Variants in CMTM5 observed in about 807,000 individuals in gnomAD.
CMTM5 encodes CKLF-like MARVEL transmembrane domain-containing protein 5.
CMTM5 carries 25 observed loss-of-function variants against 26.9 expected under a neutral mutation model. The ratio of observed to expected loss-of-function variants is 0.93; its 90% CI spans 0.68 to 1.30. The LOEUF is 1.30. Among genes scored for constraint, CMTM5 ranks in the 50% most tolerant of loss-of-function variants. The pLI, the probability that CMTM5 is intolerant of heterozygous loss-of-function variation, is 0.00. For synonymous variants in CMTM5, 98 were observed against 115.5 expected (o/e 0.85, Z 0.97); for missense variants, 292 against 289.6 (o/e 1.01, Z -0.06).
Position 23,379,602 on chromosome 14 carries a change from C to A in CMTM5, c.*115C>A. On this transcript the variant is annotated 3_prime_UTR_variant, in exon 6 of 6. Coordinates refer to ENST00000339180, the MANE Select transcript of CMTM5 (RefSeq NM_001288746.2). The stretch of plus-strand genomic sequence containing the variant: ...CGCCAAACCCCACCCCAGCCCTACA[C>A]AGCAGTCTGGCCTGAGACGTCACTG... The A allele has an allele frequency of 3.2e-6, 5 of 1,546,780 alleles. No individual in the cohort carries two copies. Among genetic ancestry groups the A allele is most frequent in the Non-Finnish European group, 4.3e-6 (5 of 1,152,786 alleles).
rs1322025711 is a variant in CMTM5, at chr14:23,378,561, T to C, written c.279+60T>C. The C allele has an allele frequency of 1.2e-6, 2 of 1,610,104 alleles. No homozygotes were observed. The highest frequency in any genetic ancestry group is 2.7e-5 in the African/African-American group (2 of 74,754). Reference sequence around the variant, plus strand: ...CCTTCCCTCTCCTCTAAATGATGCATTTTCCTTTCCTCCCCGAGCTTCTTT... The same window carrying C: ...CCTTCCCTCTCCTCTAAATGATGCACTTTCCTTTCCTCCCCGAGCTTCTTT... On this transcript the variant is annotated intron_variant, in intron 2 of 5. Coordinates refer to ENST00000339180, the MANE Select transcript of CMTM5 (RefSeq NM_001288746.2). The surrounding 1 kb of genome is among the most constrained non-coding windows in gnomAD (Gnocchi z 4.2).
At position 23,378,822 on chromosome 14, in the gene CMTM5, T is replaced by C. The variant is rs752223437; in HGVS notation, c.433T>C (p.Trp145Arg). The C allele has an allele frequency of 6.2e-7, 1 of 1,612,844 alleles. No individual in the cohort carries two copies. The highest frequency in any genetic ancestry group is 8.5e-7 in the Non-Finnish European group (1 of 1,179,844). The change falls in exon 3 of 6, where the codon TGG (tryptophan) becomes CGG (arginine). Residue 145 changes from tryptophan to arginine, a missense_variant. By Grantham distance (101) the Trp-to-Arg change is moderately radical. Transcript: ENST00000339180. This position sits in a 1 kb window ranked among gnomAD's most constrained non-coding sequence, Gnocchi z 4.2. ...GGTTCCAGCCCCAGCGCCTGGCTTC[T>C]GGTCCTGGTTGCTCTGGTTCATCTG... ...PWVPAPAPGF[W>R]SWLLWFICFH...
chr14:23,377,473 C>G lies in CMTM5; in HGVS notation c.126+96C>G. ...CCCCAGCTCACCCTTCAGTAGCCTCCTTCCCCAAGCCCTCTGGACACCTCT... is the reference window on the plus strand; with the variant it reads ...CCCCAGCTCACCCTTCAGTAGCCTCGTTCCCCAAGCCCTCTGGACACCTCT... On this transcript the variant is annotated intron_variant, in intron 1 of 5. Coordinates refer to ENST00000339180, the MANE Select transcript of CMTM5 (RefSeq NM_001288746.2). This position sits in a 1 kb window ranked among gnomAD's most constrained non-coding sequence, Gnocchi z 4.6. The G allele has an allele frequency of 7.1e-7, 1 of 1,402,620 alleles. No individual in the cohort carries two copies. Among genetic ancestry groups the G allele is most frequent in the Non-Finnish European group, 9.4e-7 (1 of 1,059,048 alleles). 86.9% of individuals were successfully genotyped at this position (1,402,620 alleles called of 1,614,324 possible). A position where few individuals can be genotyped will look rare whatever the true frequency, so the allele number is the denominator to read the frequency against.
chr14:23,377,223 A>T lies in CMTM5; in HGVS notation c.-29A>T. On this transcript the variant is annotated 5_prime_UTR_variant, in exon 1 of 6. Coordinates refer to ENST00000339180, the MANE Select transcript of CMTM5 (RefSeq NM_001288746.2). The surrounding 1 kb of genome is among the most constrained non-coding windows in gnomAD (Gnocchi z 4.6). ...TTTCTCTTGCTGGGCTTTTGGCAGT[A>T]GGGGGCTGTGTTGGTGGGCCCTACG... 1 of 1,607,728 alleles carries T rather than the reference A, an allele frequency of 6.2e-7. No individual in the cohort carries two copies. The highest frequency in any genetic ancestry group is 8.5e-7 in the Non-Finnish European group (1 of 1,177,840).
Position 23,379,317 on chromosome 14 carries a change from G to C in CMTM5, c.592G>C (p.Val198Leu), listed in dbSNP as rs1238460677. 2 of 1,613,980 alleles carry C rather than the reference G, an allele frequency of 1.2e-6. No homozygotes were observed. The highest frequency in any genetic ancestry group is 2.2e-5 in the East Asian group (1 of 44,892). Residue 198 changes from valine (V) to leucine (L), a missense_variant, in exon 5 of 6, where the codon GTT becomes CTT. Coordinates refer to ENST00000339180, the MANE Select transcript of CMTM5 (RefSeq NM_001288746.2). ...CCCACAGGTTTTTGGCATCATCCTGGTTTCCATCTTTGCCTATGATGCCTT... is the reference window on the plus strand; with the variant it reads ...CCCACAGGTTTTTGGCATCATCCTGCTTTCCATCTTTGCCTATGATGCCTT... ...IAAFVFGIIL[V>L]SIFAYDAFKI... is the part of the protein sequence containing the mutation.
Position 23,377,093 on chromosome 14 carries a change from C to A in CMTM5, c.-159C>A. The A allele has an allele frequency of 1.0e-6, 1 of 991,338 alleles. No homozygotes were observed. The highest frequency in any genetic ancestry group is 2.6e-5 in the East Asian group (1 of 38,398). The allele number at this position is 991,338 out of a possible 1,614,324, so 61.4% of individuals were successfully genotyped here. The stretch of plus-strand genomic sequence containing the variant: ...CCCATCTGGGCAAGGCCCCCAGCGC[C>A]TGCCTTCTCTCCCGGGGCCCTGTGG... On this transcript the variant is annotated 5_prime_UTR_variant, in exon 1 of 6. The change creates a new upstream start codon in the 5' untranslated region. Coordinates refer to ENST00000339180, the MANE Select transcript of CMTM5 (RefSeq NM_001288746.2). This position sits in a 1 kb window ranked among gnomAD's most constrained non-coding sequence, Gnocchi z 4.6.
rs1233655663 is a variant in CMTM5 at position 23,379,587 on chromosome 14, C to G, written c.*100C>G. 1 of 1,566,344 alleles carries G rather than the reference C, an allele frequency of 6.4e-7. No individual in the cohort carries two copies. The highest frequency in any genetic ancestry group is 8.6e-7 in the Non-Finnish European group (1 of 1,162,374). ...CACTAGCCCCCAGCCCGCCAAACCC[C>G]ACCCCAGCCCTACACAGCAGTCTGG... On this transcript the variant is annotated 3_prime_UTR_variant, in exon 6 of 6. Transcript: ENST00000339180.
rs1302144079 is a variant in CMTM5, at chr14:23,378,037, T to G, written c.127-312T>G. 1 of 348,784 alleles carries G rather than the reference T, an allele frequency of 2.9e-6. No individual in the cohort carries two copies. The highest frequency in any genetic ancestry group is 2.1e-5 in the African/African-American group (1 of 47,152). 21.6% of individuals were successfully genotyped at this position (348,784 alleles called of 1,614,324 possible). A position where few individuals can be genotyped will look rare whatever the true frequency, so the allele number is the denominator to read the frequency against. ...GGAGTCGGGTCTCTGTGGGCACAAC[T>G]CCAGGGGCTGGCATTCACACTGTAC... On this transcript the variant is annotated intron_variant, in intron 1 of 5. Coordinates refer to ENST00000339180, the MANE Select transcript of CMTM5 (RefSeq NM_001288746.2). The surrounding 1 kb of genome is among the most constrained non-coding windows in gnomAD (Gnocchi z 4.2).
Position 23,377,426 on chromosome 14 carries a change from T to C in CMTM5, c.126+49T>C. On this transcript the variant is annotated intron_variant, in intron 1 of 5. Transcript: ENST00000339180. This position sits in a 1 kb window ranked among gnomAD's most constrained non-coding sequence, Gnocchi z 4.6. ...TGCCTCCATCTCCCTGACCCCCGGCTCCTGGCCAGCCTTATGCCAGCCCCC... is the reference window on the plus strand; with the variant it reads ...TGCCTCCATCTCCCTGACCCCCGGCCCCTGGCCAGCCTTATGCCAGCCCCC... 1 of 1,515,642 alleles carries C rather than the reference T, an allele frequency of 6.6e-7. No homozygotes were observed. The highest frequency in any genetic ancestry group is 8.8e-7 in the Non-Finnish European group (1 of 1,132,806). 93.9% of individuals were successfully genotyped at this position (1,515,642 alleles called of 1,614,324 possible). A position where few individuals can be genotyped will look rare whatever the true frequency, so the allele number is the denominator to read the frequency against.
rs781080626 is a variant in CMTM5 at position 23,377,356 on chromosome 14, C to T, written c.105C>T (p.Gly35=). ...VDKAFLTSHK[G]ILLETELALT... is the part of the protein sequence containing the mutation. ...AGGCCTTCCTCACCTCCCACAAGGG[C>T]ATCCTGCTGGAAACCGAGCTGGTAA... Residue 35 remains glycine, a synonymous_variant, in exon 1 of 6, where the codon GGC becomes GGT. Transcript: ENST00000339180. This position sits in a 1 kb window ranked among gnomAD's most constrained non-coding sequence, Gnocchi z 4.6. The T allele has an allele frequency of 3.8e-6, 6 of 1,596,530 alleles. No individual in the cohort carries two copies. The South Asian group carries it at 6.7e-5, about 18-fold the overall frequency.
In CMTM5 at chr14:23,379,516, G is replaced by A. The variant is rs373722799; in HGVS notation, c.*29G>A. ...TGGGGCTACCTGGCTCCTAGGCCCAGCCAGCCAGAGAGGACAGTGGAGCCC... is the reference window on the plus strand; with the variant it reads ...TGGGGCTACCTGGCTCCTAGGCCCAACCAGCCAGAGAGGACAGTGGAGCCC... On this transcript the variant is annotated 3_prime_UTR_variant, in exon 6 of 6. Transcript: ENST00000339180. 114 of 1,612,606 alleles carry A rather than the reference G, an allele frequency of 7.1e-5. No homozygotes were observed. The highest frequency in any genetic ancestry group is 6.8e-4 in the African/African-American group (51 of 74,902).
chr14:23,377,134 C>A lies in CMTM5; in HGVS notation c.-118C>A. On this transcript the variant is annotated 5_prime_UTR_variant, in exon 1 of 6. Transcript: ENST00000339180. This position sits in a 1 kb window ranked among gnomAD's most constrained non-coding sequence, Gnocchi z 4.6. ...GGCCCTGTGGGCAAGCCTCCTGCTT[C>A]ACTTTCAGGTTTCTCGAAGTGCCTT... is the stretch of plus-strand genomic sequence containing the variant. 2.9e-6 allele frequency: 4 copies of A among 1,401,702 alleles called. No homozygotes were observed. The South Asian group carries it at 5.1e-5, about 18-fold the overall frequency. The allele number at this position is 1,401,702 out of a possible 1,614,324, so 86.8% of individuals were successfully genotyped here. A position where few individuals can be genotyped will look rare whatever the true frequency, so the allele number is the denominator to read the frequency against.
Position 23,377,709 on chromosome 14 carries a change from C to G in CMTM5, c.126+332C>G, listed in dbSNP as rs1376848981. The stretch of plus-strand genomic sequence containing the variant: ...CCACTTCTCAGCACGTCCAAGAAGT[C>G]TAACTATCAAAAAGGGCAGACTTCC... On this transcript the variant is annotated intron_variant, in intron 1 of 5. Coordinates refer to ENST00000339180, the MANE Select transcript of CMTM5 (RefSeq NM_001288746.2). This position sits in a 1 kb window ranked among gnomAD's most constrained non-coding sequence, Gnocchi z 4.6. 3.7e-6 allele frequency: 1 copy of G among 270,310 alleles called. No individual in the cohort carries two copies. Among genetic ancestry groups the G allele is most frequent in the Non-Finnish European group, 6.9e-6 (1 of 143,968 alleles). The allele number at this position is 270,310 out of a possible 1,614,324, so 16.7% of individuals were successfully genotyped here. A position where few individuals can be genotyped will look rare whatever the true frequency, so the allele number is the denominator to read the frequency against.
chr14:23,377,260 T>G lies in CMTM5; in HGVS notation c.9T>G (p.Ser3Arg). ML[S>R]ARDRRDRHPE... ...TGGTGGGCCCTACGAAGATGCTCAGTGCTCGAGATCGCCGGGACCGGCACC... is the reference window on the plus strand; with the variant it reads ...TGGTGGGCCCTACGAAGATGCTCAGGGCTCGAGATCGCCGGGACCGGCACC... Residue 3 changes from serine to arginine, a missense_variant, in exon 1 of 6, where the codon AGT (serine) becomes AGG (arginine). Coordinates refer to ENST00000339180, the MANE Select transcript of CMTM5 (RefSeq NM_001288746.2). The surrounding 1 kb of genome is among the most constrained non-coding windows in gnomAD (Gnocchi z 4.6). The G allele has an allele frequency of 6.2e-7, 1 of 1,612,374 alleles. No individual in the cohort carries two copies. Among genetic ancestry groups the G allele is most frequent in the East Asian group, 2.2e-5 (1 of 44,698 alleles).
Position 23,377,308 on chromosome 14 carries a change from G to T in CMTM5, c.57G>T (p.Glu19Asp). 6.2e-7 allele frequency: 1 copy of T among 1,611,822 alleles called. No homozygotes were observed. The change falls in exon 1 of 6, where the codon GAG becomes GAT. Residue 19 changes from glutamate (E) to aspartate (D), a missense_variant. Physicochemically the swap from Glu to Asp is conservative, Grantham distance 45 (BLOSUM62 2). Transcript: ENST00000339180. The surrounding 1 kb of genome is among the most constrained non-coding windows in gnomAD (Gnocchi z 4.6). Reference sequence around the variant, plus strand: ...ACCCTGAGGAGGGGGTAGTTGCAGAGCTCCAGGGCTTCGCGGTGGACAAGG... The same window carrying T: ...ACCCTGAGGAGGGGGTAGTTGCAGATCTCCAGGGCTTCGCGGTGGACAAGG... ...DRHPEEGVVA[E>D]LQGFAVDKAF...
Position 23,378,631 on chromosome 14 carries a change from C to A in CMTM5, c.280-38C>A, listed in dbSNP as rs777124737. 1 of 1,609,252 alleles carries A rather than the reference C, an allele frequency of 6.2e-7. No individual in the cohort carries two copies. Among genetic ancestry groups the A allele is most frequent in the Non-Finnish European group, 8.5e-7 (1 of 1,175,902 alleles). ...GGGCTTTGTCCCATGCTATGCCCTG[C>A]ACTCAAAGGTGTGCTTTGACTCACA... On this transcript the variant is annotated intron_variant, in intron 2 of 5. Transcript: ENST00000339180. This position sits in a 1 kb window ranked among gnomAD's most constrained non-coding sequence, Gnocchi z 4.2.
Position 23,377,163 on chromosome 14 carries a change from G to T in CMTM5, c.-89G>T. 6.5e-7 allele frequency: 1 copy of T among 1,545,666 alleles called. No homozygotes were observed. Among genetic ancestry groups the T allele is most frequent in the South Asian group, 1.2e-5 (1 of 86,396 alleles). ...TTCAGGTTTCTCGAAGTGCCTTCTTGCTCCTGTCTGTTTCCCCATCCTGCC... is the reference window on the plus strand; with the variant it reads ...TTCAGGTTTCTCGAAGTGCCTTCTTTCTCCTGTCTGTTTCCCCATCCTGCC... On this transcript the variant is annotated 5_prime_UTR_variant, in exon 1 of 6. Coordinates refer to ENST00000339180, the MANE Select transcript of CMTM5 (RefSeq NM_001288746.2). The surrounding 1 kb of genome is among the most constrained non-coding windows in gnomAD (Gnocchi z 4.6).
Position 23,377,467 on chromosome 14 carries a change from A to G in CMTM5, c.126+90A>G, listed in dbSNP as rs1203817366. ...GCCAGCCCCCAGCTCACCCTTCAGT[A>G]GCCTCCTTCCCCAAGCCCTCTGGAC... On this transcript the variant is annotated intron_variant, in intron 1 of 5. Transcript: ENST00000339180. This position sits in a 1 kb window ranked among gnomAD's most constrained non-coding sequence, Gnocchi z 4.6. 1 of 1,431,456 alleles carries G rather than the reference A, an allele frequency of 7.0e-7. No individual in the cohort carries two copies. The highest frequency in any genetic ancestry group is 2.4e-5 in the Admixed American group (1 of 41,764). 88.7% of individuals were successfully genotyped at this position (1,431,456 alleles called of 1,614,324 possible).
intron 4 of CMTM5, 61 bp downstream of exon 4, chr14:23,379,184 T>C: frequency 1.2e-6 from 2 of 1,600,684 alleles, no homozygotes; most frequent in Admixed American, 3.4e-5. Context: ...GCTTGCACAC[T>C]TTCTGTATCA....
Sources: allele counts gnomAD v4.1 joint callset, GRCh38; gene constraint gnomAD v4.1.1; non-coding constraint Gnocchi (gnomAD v3.1); transcripts MANE v1.5; gene names NCBI Gene and HGNC (gene_info 2026-07-23, HGNC 2026-07-21).